ADAM18: variants seen among roughly 807,000 people sequenced by gnomAD.
The protein encoded by ADAM18 is disintegrin and metalloproteinase domain-containing protein 18.
In ADAM18, 117 loss-of-function variants were observed where a neutral mutation model predicts 94.4. That is an observed-to-expected ratio of 1.24 (90% CI 1.07 to 1.45). The LOEUF (loss-of-function observed/expected upper bound fraction) is 1.45. ADAM18 is among the 40% of genes most tolerant of loss of function. The probability of loss-of-function intolerance (pLI) is 0.00; values close to 1 mark genes in which losing one functional copy is unlikely to be tolerated. For missense variants in ADAM18, 936 were observed against 880.0 expected, an observed-to-expected ratio of 1.06 and a Z score of -0.81; for synonymous variants, 327 against 291.6, an observed-to-expected ratio of 1.12 and a Z score of -1.24.
At chr8:39,701,760 T>C (rs922950066) in intron 17 of ADAM18, among the ~76,000 whole-genome samples, 1 of 152,162 alleles carries the variant, frequency 6.6e-6, no homozygotes, top group Non-Finnish European at 1.5e-5. Flanking sequence ...TGTTCCTGTG[T>C]TTGTTTGCCA....
chr8:39,708,937 C>A (rs1012874931), intron 18 of ADAM18, among the ~76,000 whole-genome samples: 2 of 152,208 alleles, frequency 1.3e-5, no homozygotes, highest in African/African-American at 4.8e-5. Flanking sequence ...CCTTGAAGCT[C>A]CAGAGGGCAT....
intron 2 of ADAM18, among the ~76,000 whole-genome samples, chr8:39,589,299 T>C (rs1818500597): frequency 6.6e-6 from 1 of 152,242 alleles, no homozygotes; most frequent in South Asian, 2.1e-4. Flanking sequence ...AGGCACATTA[T>C]ATCTTACTCA....
Position 39,677,338 on chromosome 8 carries a change from A to G in ADAM18, c.1526-93A>G, listed in dbSNP as rs1039492173. The G allele has an allele frequency of 7.1e-6, 7 of 983,890 alleles. No individual in the cohort carries two copies. In the African/African-American group the frequency reaches 1.2e-4, roughly 17 times the overall value. 60.9% of individuals were successfully genotyped at this position (983,890 alleles called of 1,614,324 possible). A position where few individuals can be genotyped will look rare whatever the true frequency, so the allele number is the denominator to read the frequency against. Reference sequence around the variant, plus strand: ...CAAAAGCATGATCAACAAGTACATGATCTTTTTGAAATTAAATTTCCTTAG... The same window carrying G: ...CAAAAGCATGATCAACAAGTACATGGTCTTTTTGAAATTAAATTTCCTTAG... On this transcript the variant is annotated intron_variant, in intron 14 of 19. Transcript: ENST00000265707.
intron 18 of ADAM18, among the ~76,000 whole-genome samples, chr8:39,717,557 T>C (rs1204093893): frequency 6.6e-6 from 1 of 151,740 alleles, no homozygotes; most frequent in Non-Finnish European, 1.5e-5. Context: ...TTTGAGAAAG[T>C]CTTTACAAAA....
intron 6 of ADAM18, among the ~76,000 whole-genome samples, chr8:39,620,389 A>G (rs1462240331): frequency 6.8e-6 from 1 of 147,330 alleles, no homozygotes; most frequent in Non-Finnish European, 1.5e-5. Flanking sequence ...AAAAAATCAC[A>G]AAACAAAACA....
chr8:39,602,304 A>C (rs954979511), intron 2 of ADAM18, among the ~76,000 whole-genome samples: 3 of 152,202 alleles, frequency 2.0e-5, no homozygotes, highest in African/African-American at 7.2e-5. Flanking sequence ...AATTTCCACC[A>C]GCACAAGGAT....
intron 18 of ADAM18, among the ~76,000 whole-genome samples, chr8:39,716,837 G>A (rs748775164): frequency 8.6e-5 from 13 of 151,700 alleles, no homozygotes; most frequent in South Asian, 4.2e-4. Context: ...CTATTTCTCC[G>A]TTTAGTTCAG....
At chr8:39,680,304 C>T (rs1821419610) in intron 16 of ADAM18, 78 bp downstream of exon 16, 1 of 1,292,020 alleles carries the variant, frequency 7.7e-7, no homozygotes, top group Non-Finnish European at 1.1e-6. Context: ...TGATGACTAT[C>T]ACAATTATAT....
chr8:39,664,699 A>G (rs1250441918), intron 13 of ADAM18, among the ~76,000 whole-genome samples: 1 of 152,208 alleles, frequency 6.6e-6, no homozygotes, highest in Non-Finnish European at 1.5e-5. Flanking sequence ...GATAACTGAA[A>G]TGCAAATCAT....
intron 18 of ADAM18, among the ~76,000 whole-genome samples, chr8:39,715,047 G>C (rs1213982304): frequency 6.6e-6 from 1 of 151,904 alleles, no homozygotes; most frequent in African/African-American, 2.4e-5. Context: ...AGACCACACA[G>C]AACATTCTCA....
chr8:39,691,121 C>T lies in ADAM18; in HGVS notation c.1822-1479C>T, dbSNP rs1206567810. 4.6e-5 allele frequency among the ~76,000 whole-genome samples: 7 copies of T among 152,146 alleles called. No individual in the cohort carries two copies. The South Asian group carries it at 1.4e-3, about 31-fold the overall frequency. Reference sequence around the variant, plus strand: ...AGAACCAGATGATATATATGCATCTCTTACACGCATATATTAAATCACTGC... The same window carrying T: ...AGAACCAGATGATATATATGCATCTTTTACACGCATATATTAAATCACTGC... On this transcript the variant is annotated intron_variant, in intron 16 of 19. Transcript: ENST00000265707.
Position 39,610,689 on chromosome 8 carries a change from G to A in ADAM18, c.505G>A (p.Val169Ile), listed in dbSNP as rs775095784. Residue 169 changes from valine to isoleucine, a missense_variant, in exon 6 of 20, where the codon GTT becomes ATT. By Grantham distance (29) the Val-to-Ile change is conservative. Coordinates refer to ENST00000265707, the MANE Select transcript of ADAM18 (RefSeq NM_014237.3). ...HIWQKDQPYK[V>I]PLNSQIKNLS... is the part of the protein sequence containing the mutation. Reference sequence around the variant, plus strand: ...TTGGCAGAAAGACCAGCCCTACAAAGTTCCTTTAAACTCACAGGTGACTGT... The same window carrying A: ...TTGGCAGAAAGACCAGCCCTACAAAATTCCTTTAAACTCACAGGTGACTGT... 1 of 1,612,934 alleles carries A rather than the reference G, an allele frequency of 6.2e-7. No individual in the cohort carries two copies. Among genetic ancestry groups the A allele is most frequent in the South Asian group, 1.1e-5 (1 of 90,928 alleles).
chr8:39,667,401 C>CAA (rs377507911), intron 13 of ADAM18, among the ~76,000 whole-genome samples: 21 of 53,962 alleles, frequency 3.9e-4, no homozygotes, highest in African/African-American at 7.0e-4. Flanking sequence ...AACTCCATCT[C>CAA]AAAAAAAAAA....
chr8:39,596,003 T>C (rs78557798), intron 2 of ADAM18, among the ~76,000 whole-genome samples: 4,850 of 152,314 alleles, frequency 0.032, 285 homozygotes, highest in African/African-American at 0.11. Flanking sequence ...TCTGATCTTA[T>C]CCATTTTTAA....
chr8:39,658,017 A>G (rs953936491), intron 12 of ADAM18, among the ~76,000 whole-genome samples: 40 of 152,186 alleles, frequency 2.6e-4, no homozygotes, highest in African/African-American at 8.2e-4. Flanking sequence ...CTACATTTCC[A>G]TATCTACAGT....
chr8:39,604,212 T>A (rs1456702395), intron 2 of ADAM18, among the ~76,000 whole-genome samples: 1 of 152,156 alleles, frequency 6.6e-6, no homozygotes, highest in Non-Finnish European at 1.5e-5. Flanking sequence ...GAAAAATAGT[T>A]TTTCTGAGGA....
Position 39,638,507 on chromosome 8 carries a change from C to T in ADAM18, c.870C>T (p.Gly290=). 1.3e-6 allele frequency: 2 copies of T among 1,571,262 alleles called. No homozygotes were observed. Among genetic ancestry groups the T allele is most frequent in the Non-Finnish European group, 8.6e-7 (1 of 1,157,196 alleles). The stretch of plus-strand genomic sequence containing the variant: ...AATATGTGGGAGCAACATTTCCTGG[C>T]ACTGTATGCAATAAAAGCTATGATG... ...HPKYVGATFP[G]TVCNKSYDAG... Residue 290 remains glycine, a synonymous_variant, in exon 10 of 20, where the codon GGC becomes GGT. Transcript: ENST00000265707.
chr8:39,659,781 A>G lies in ADAM18; in HGVS notation c.1231-4014A>G, dbSNP rs929895454. Among the ~76,000 whole-genome samples, 10 of 152,172 alleles carry G rather than the reference A, an allele frequency of 6.6e-5. 1 individual carries two copies. Among genetic ancestry groups the G allele is most frequent in the Admixed American group, 5.2e-4 (8 of 15,272 alleles). On this transcript the variant is annotated intron_variant, in intron 12 of 19. Coordinates refer to ENST00000265707, the MANE Select transcript of ADAM18 (RefSeq NM_014237.3). ...AAAAAAAGAATACACATAATTTTCA[A>G]AATTCCATGGGTTATTTTAAAAATC...
chr8:39,626,565 T>C (rs1819776184), intron 6 of ADAM18, among the ~76,000 whole-genome samples: 2 of 152,042 alleles, frequency 1.3e-5, no homozygotes, highest in Admixed American at 1.3e-4. Flanking sequence ...CTCTCAGCGC[T>C]GCATTTGCTG....
Sources: allele counts gnomAD v4.1 joint callset (sites outside exome capture counted in the v4.1 genomes callset), GRCh38; gene constraint gnomAD v4.1.1; transcripts MANE v1.5; gene names NCBI Gene and HGNC (gene_info 2026-07-23, HGNC 2026-07-21).